Variants in PZP observed in about 807,000 individuals in gnomAD.
PZP encodes PZP alpha-2-macroglobulin like.
A neutral mutation model predicts 179.8 loss-of-function variants in PZP; 150 were observed. The ratio of observed to expected loss-of-function variants is 0.83; its 90% CI spans 0.73 to 0.96. The LOEUF (loss-of-function observed/expected upper bound fraction) is 0.96, where lower values mean the gene tolerates loss of function less well. Among genes scored for constraint, PZP ranks in the 40% least tolerant of loss-of-function variants. The pLI is 0.00. For missense variants in PZP, 1,689 were observed against 1,764.0 expected, an observed-to-expected ratio of 0.96 and a Z score of 0.76; for synonymous variants, 624 against 652.3, an observed-to-expected ratio of 0.96 and a Z score of 0.66.
chr12:9,163,242 G>C (rs1941341048), intron 21 of PZP, among the ~76,000 whole-genome samples: 2 of 150,694 alleles, frequency 1.3e-5, no homozygotes, highest in Non-Finnish European at 2.9e-5. Flanking sequence ...CACGAGGTCA[G>C]GAGATTGAGA....
At chr12:9,145,110 T>G (rs1286822743), downstream of PZP, among the ~76,000 whole-genome samples, 1 of 152,218 alleles carries the variant, frequency 6.6e-6, no homozygotes, top group Non-Finnish European at 1.5e-5. Context: ...TTGGGTCTGT[T>G]TTTTTAACTT....
At chr12:9,194,262 G>A in intron 10 of PZP, 24 bp from the exon 11 acceptor site, 4 of 1,610,766 alleles carry the variant, frequency 2.5e-6, no homozygotes, top group Non-Finnish European at 3.4e-6. Context: ...GTACTTGATA[G>A]TTGATGTGAA....
At chr12:9,139,708 T>C in the PZP span, among the ~76,000 whole-genome samples, 1 of 152,236 alleles carries the variant, frequency 6.6e-6, no homozygotes. Flanking sequence ...GTAACAGTTT[T>C]TAACTCAGTC....
chr12:9,177,287 A>G (rs774078031), intron 15 of PZP, among the ~76,000 whole-genome samples: 13 of 152,338 alleles, frequency 8.5e-5, no homozygotes, highest in African/African-American at 2.9e-4. Flanking sequence ...ATTGTGGGAC[A>G]CCAGCAGCCC....
chr12:9,175,156 G>A (rs186573490), intron 15 of PZP, among the ~76,000 whole-genome samples: 12 of 152,164 alleles, frequency 7.9e-5, no homozygotes, highest in African/African-American at 1.7e-4. Flanking sequence ...AGATAAAACC[G>A]CAAACCTACA....
intron 11 of PZP, among the ~76,000 whole-genome samples, chr12:9,193,513 C>G (rs1002342967): frequency 6.6e-6 from 1 of 152,122 alleles, no homozygotes; most frequent in Non-Finnish European, 1.5e-5. Context: ...GAGTGAGTGT[C>G]TATCACATAG....
chr12:9,175,067 C>A (rs182605578), intron 15 of PZP, among the ~76,000 whole-genome samples: 74 of 152,292 alleles, frequency 4.9e-4, no homozygotes, highest in African/African-American at 1.8e-3. Flanking sequence ...AACTTTACTA[C>A]AAGGTTACAG....
chr12:9,181,852 C>A, intron 14 of PZP, 123 bp downstream of exon 14: 2 of 1,087,804 alleles, frequency 1.8e-6, no homozygotes, highest in Non-Finnish European at 2.6e-6. Flanking sequence ...CTGCCATAAA[C>A]TTGTTGGGAA....
intron 13 of PZP, among the ~76,000 whole-genome samples, chr12:9,184,601 T>C (rs933819042): frequency 6.6e-6 from 1 of 152,218 alleles, no homozygotes; most frequent in Non-Finnish European, 1.5e-5. Flanking sequence ...TGCTGGTACA[T>C]GTGAATGAGG....
At chr12:9,168,208 G>A (rs1592480680) in intron 17 of PZP, among the ~76,000 whole-genome samples, 1 of 152,156 alleles carries the variant, frequency 6.6e-6, no homozygotes, top group Non-Finnish European at 1.5e-5. Flanking sequence ...AAGGATTTGA[G>A]GCTTAGAGAG....
chr12:9,155,167 A>C (rs935612312), intron 28 of PZP, among the ~76,000 whole-genome samples: 1 of 152,250 alleles, frequency 6.6e-6, no homozygotes, highest in African/African-American at 2.4e-5. Context: ...TGAGAATTGC[A>C]GTATAGACTA....
rs770139108 is a variant in PZP at position 9,158,538 on chromosome 12, C to A, written c.3176G>T (p.Arg1059Leu). The A allele has an allele frequency of 6.2e-7, 1 of 1,613,994 alleles. No homozygotes were observed. Among genetic ancestry groups the A allele is most frequent in the Non-Finnish European group, 8.5e-7 (1 of 1,179,986 alleles). ...TGCTTCATCAATGAAGATGTAGGAT[C>A]GAGCCTGGGCGAAAGTCTTCAGTAC... ...AFVLKTFAQARSYIFIDEAHI... is the reference protein window; with the variant it reads ...AFVLKTFAQALSYIFIDEAHI... Residue 1059 changes from arginine (R) to leucine (L), a missense_variant, in exon 26 of 36, where the codon CGA becomes CTA. Physicochemically the swap from Arg to Leu is moderately radical, Grantham distance 102. Transcript: ENST00000261336.
intron 13 of PZP, among the ~76,000 whole-genome samples, chr12:9,183,475 C>G (rs1942907136): frequency 6.6e-6 from 1 of 152,154 alleles, no homozygotes; most frequent in African/African-American, 2.4e-5. Context: ...TCATAGCTCA[C>G]TGCAGCCTCG....
intron 1 of PZP, among the ~76,000 whole-genome samples, chr12:9,207,832 C>A (rs982759660): frequency 6.6e-6 from 1 of 152,112 alleles, no homozygotes; most frequent in Non-Finnish European, 1.5e-5. Context: ...TGCTTTGGTC[C>A]CCCACTGGGG....
chr12:9,198,012 T>C (rs1422789352), intron 7 of PZP, among the ~76,000 whole-genome samples: 2 of 133,440 alleles, frequency 1.5e-5, no homozygotes, highest in East Asian at 4.0e-4. Flanking sequence ...AAAGAGAATG[T>C]GGTGGTACAG....
In PZP at chr12:9,201,325, A is replaced by G; in HGVS notation, c.501+2T>C. On this transcript the variant is annotated splice_donor_variant, in intron 5 of 35. Transcript: ENST00000261336. LOFTEE classifies it high-confidence loss of function. The stretch of plus-strand genomic sequence containing the variant: ...TTATAAGATACTTTTTCTGATACTT[A>G]CCTCAAGGTATATCAGTGGAATCTA... 1 of 1,548,388 alleles carries G rather than the reference A, an allele frequency of 6.5e-7. No individual in the cohort carries two copies. The highest frequency in any genetic ancestry group is 2.2e-5 in the East Asian group (1 of 44,490).
chr12:9,149,560 C>T lies in PZP; in HGVS notation c.4426+1G>A, dbSNP rs1282995215. ...ACTGGTCATAAGTGGTGAACTCTTACCTGTGCTGCAGGGGGCGATATACTC... is the reference window on the plus strand; with the variant it reads ...ACTGGTCATAAGTGGTGAACTCTTATCTGTGCTGCAGGGGGCGATATACTC... On this transcript the variant is annotated splice_donor_variant, in intron 35 of 35. Coordinates refer to ENST00000261336, the MANE Select transcript of PZP (RefSeq NM_002864.3). LOFTEE classifies it high-confidence loss of function. 2.5e-6 allele frequency: 4 copies of T among 1,612,362 alleles called. No individual in the cohort carries two copies. In the East Asian group the frequency reaches 6.7e-5, roughly 27 times the overall value.
At chr12:9,203,086 A>G (rs1270346379) in intron 2 of PZP, among the ~76,000 whole-genome samples, 2 of 152,192 alleles carry the variant, frequency 1.3e-5, no homozygotes, top group Non-Finnish European at 2.9e-5. Flanking sequence ...ATTATGTTGC[A>G]TGCAAAGTTT....
downstream of PZP, among the ~76,000 whole-genome samples, chr12:9,143,965 G>A (rs990985949): frequency 1.3e-5 from 2 of 152,210 alleles, no homozygotes; most frequent in African/African-American, 4.8e-5. Context: ...ATTAAGCTGA[G>A]AAGAAACTGG....
Sources: allele counts gnomAD v4.1 joint callset (sites outside exome capture counted in the v4.1 genomes callset), GRCh38; gene constraint gnomAD v4.1.1; transcripts MANE v1.5; gene names NCBI Gene and HGNC (gene_info 2026-07-23, HGNC 2026-07-21).